The following CAPZB variants were observed in gnomAD, a reference collection of about 807,000 sequenced individuals.
CAPZB encodes capping actin protein of muscle Z-line subunit beta, also known as F-actin-capping protein subunit beta.
A neutral mutation model predicts 38.1 loss-of-function variants in CAPZB; 2 were observed. That is an observed-to-expected ratio of 0.05 (90% CI 0.02 to 0.17). CAPZB has a LOEUF of 0.17. Among genes scored for constraint, CAPZB ranks in the 10% least tolerant of loss-of-function variants. The pLI, the probability that CAPZB is intolerant of heterozygous loss-of-function variation, is 1.00. For missense variants in CAPZB, 161 were observed against 334.2 expected, an observed-to-expected ratio of 0.48 and a Z score of 4.04; for synonymous variants, 107 against 127.4, an observed-to-expected ratio of 0.84 and a Z score of 1.08.
At chr1:19,351,968 C>T (rs1290268450) in intron 6 of CAPZB, among the ~76,000 whole-genome samples, 1 of 152,186 alleles carries the variant, frequency 6.6e-6, no homozygotes, top group East Asian at 1.9e-4. Context: ...GGTCATCTGG[C>T]AAAAACCCAG....
At chr1:19,427,650 A>G (rs541998189) in intron 1 of CAPZB, among the ~76,000 whole-genome samples, 1 of 152,336 alleles carries the variant, frequency 6.6e-6, no homozygotes, top group South Asian at 2.1e-4. Flanking sequence ...TAAAAAGAAA[A>G]GTGCTTCCTC....
chr1:19,424,335 AT>A (rs2094414013), intron 1 of CAPZB: 4 of 152,194 alleles, frequency 2.6e-5, no homozygotes, highest in Admixed American at 1.3e-4. Context: ...AGTTATGATT[AT>A]CAGATATCTA....
chr1:19,440,890 C>G (rs2094473914), intron 1 of CAPZB, among the ~76,000 whole-genome samples: 1 of 152,146 alleles, frequency 6.6e-6, no homozygotes, highest in South Asian at 2.1e-4. Context: ...GAAACCCCGT[C>G]TCTACTAAAA....
At chr1:19,416,940 T>C (rs2094382635) in intron 2 of CAPZB, among the ~76,000 whole-genome samples, 1 of 146,744 alleles carries the variant, frequency 6.8e-6, no homozygotes, top group South Asian at 2.2e-4. Flanking sequence ...CATATATCAG[T>C]GGTAGATACG....
chr1:19,417,829 C>A (rs1043115380), intron 2 of CAPZB, among the ~76,000 whole-genome samples: 2 of 152,108 alleles, frequency 1.3e-5, no homozygotes, highest in African/African-American at 4.8e-5. Flanking sequence ...TAACGTGCAG[C>A]CCAATGTTTA....
intron 1 of CAPZB, among the ~76,000 whole-genome samples, chr1:19,422,715 A>G (rs1570221619): frequency 7.0e-6 from 1 of 142,006 alleles, no homozygotes; most frequent in Non-Finnish European, 1.5e-5. Flanking sequence ...CGACAGAGCG[A>G]GACTCCATCT....
intron 6 of CAPZB, among the ~76,000 whole-genome samples, chr1:19,351,284 C>G (rs72955270): frequency 0.067 from 10,036 of 149,628 alleles, 1,104 homozygotes; most frequent in African/African-American, 0.23. Context: ...CCCGATCTTT[C>G]CATTTTTTTT....
At chr1:19,358,926 T>C (rs904096611) in intron 4 of CAPZB, among the ~76,000 whole-genome samples, 4 of 152,180 alleles carry the variant, frequency 2.6e-5, no homozygotes, top group Non-Finnish European at 5.9e-5. Context: ...ATGACAGCTC[T>C]AGCACGCCCA....
Position 19,385,481 on chromosome 1 carries a change from T to A in CAPZB, c.215+24A>T, listed in dbSNP as rs528484027. On this transcript the variant is annotated intron_variant, in intron 3 of 8. Coordinates refer to ENST00000264202, the MANE Select transcript of CAPZB (RefSeq NM_004930.5). ...GCCCGCGTGTGCCTGCTGTGCCTGC[T>A]GCATCCCCGGGGCATGAGCTCACCT... is the stretch of plus-strand genomic sequence containing the variant. The A allele has an allele frequency of 2.5e-6, 4 of 1,611,622 alleles. No homozygotes were observed. In the African/African-American group the frequency reaches 5.3e-5, roughly 21 times the overall value.
At chr1:19,373,520 A>G (rs2094129800) in intron 4 of CAPZB, among the ~76,000 whole-genome samples, 1 of 152,088 alleles carries the variant, frequency 6.6e-6, no homozygotes. Context: ...GATCCAGTGA[A>G]GAAGATTTTT....
intron 8 of CAPZB, among the ~76,000 whole-genome samples, chr1:19,341,531 G>A (rs2093928748): frequency 6.6e-6 from 1 of 152,204 alleles, no homozygotes; most frequent in African/African-American, 2.4e-5. Flanking sequence ...TTATTTAAGG[G>A]ACAATGCTTG....
intron 1 of CAPZB, among the ~76,000 whole-genome samples, chr1:19,428,175 G>A (rs1429737489): frequency 1.3e-5 from 2 of 152,138 alleles, no homozygotes. Flanking sequence ...GGTGGAGGCG[G>A]GTGGATCACT....
chr1:19,466,439 A>C (rs948638597), intron 1 of CAPZB, among the ~76,000 whole-genome samples: 4 of 152,236 alleles, frequency 2.6e-5, no homozygotes, highest in African/African-American at 9.6e-5. Context: ...CTCATAGATC[A>C]CATGTCTAGG....
intron 1 of CAPZB, among the ~76,000 whole-genome samples, chr1:19,471,856 A>G (rs1301303471): frequency 1.1e-5 from 1 of 89,164 alleles, no homozygotes; most frequent in African/African-American, 4.2e-5. Context: ...ACAAAGCGAG[A>G]CTCCGTCTCA....
chr1:19,420,642 G>C (rs2094397957), intron 1 of CAPZB, among the ~76,000 whole-genome samples: 1 of 151,930 alleles, frequency 6.6e-6, no homozygotes, highest in Admixed American at 6.6e-5. Flanking sequence ...TATTGCCCAG[G>C]GTGGTCTTGA....
At chr1:19,383,446 CAA>C (rs528617668) in intron 3 of CAPZB, among the ~76,000 whole-genome samples, 9,052 of 117,898 alleles carry the variant, frequency 0.077, 360 homozygotes, top group African/African-American at 0.15. Context: ...GACTCTGTCT[CAA>C]AAAAAAAAAA....
At chr1:19,416,616 C>A (rs1259533421) in intron 2 of CAPZB, among the ~76,000 whole-genome samples, 1 of 152,026 alleles carries the variant, frequency 6.6e-6, no homozygotes, top group Non-Finnish European at 1.5e-5. Context: ...AAGTTAAAAA[C>A]AGAAAAGTAG....
intron 2 of CAPZB, among the ~76,000 whole-genome samples, chr1:19,417,787 C>A (rs1328805696): frequency 3.3e-5 from 5 of 152,290 alleles, no homozygotes. Context: ...TGCTCAGGCC[C>A]AGGTTCTACA....
At chr1:19,471,850 A>AGT (rs539672058) in intron 1 of CAPZB, among the ~76,000 whole-genome samples, 1,193 of 110,024 alleles carry the variant, frequency 0.011, 18 homozygotes, top group Non-Finnish European at 0.012. Flanking sequence ...TGGGAGACAA[A>AGT]GCGAGACTCC....
Sources: allele counts gnomAD v4.1 joint callset (sites outside exome capture counted in the v4.1 genomes callset), GRCh38; gene constraint gnomAD v4.1.1; transcripts MANE v1.5; gene names NCBI Gene and HGNC (gene_info 2026-07-23, HGNC 2026-07-21).